TMEFF1: variants seen among roughly 807,000 people sequenced by gnomAD.
TMEFF1 encodes tomoregulin-1.
TMEFF1 carries 20 observed loss-of-function variants against 47.5 expected under a neutral mutation model. The observed-to-expected ratio is 0.42, with a 90% CI of 0.30 to 0.61. The LOEUF (loss-of-function observed/expected upper bound fraction) is 0.61, where lower values mean the gene tolerates loss of function less well. Among genes scored for constraint, TMEFF1 ranks in the 20% least tolerant of loss-of-function variants. The pLI is 0.19. For missense variants in TMEFF1, 411 were observed against 471.1 expected (o/e 0.87, Z 1.18); for synonymous variants, 162 against 166.3 (o/e 0.97, Z 0.20).
intron 9 of TMEFF1, among the ~76,000 whole-genome samples, chr9:100,575,606 C>G (rs1199757455): frequency 6.6e-6 from 1 of 152,154 alleles, no homozygotes; most frequent in Non-Finnish European, 1.5e-5. Context: ...CAAAGCTGTA[C>G]TCTTTGAAAT....
At chr9:100,491,419 C>A (rs1294206339) in intron 1 of TMEFF1, among the ~76,000 whole-genome samples, 3 of 152,176 alleles carry the variant, frequency 2.0e-5, no homozygotes, top group African/African-American at 7.2e-5. Context: ...AAAGTTTGAA[C>A]ATATTCTGTG....
At chr9:100,499,035 C>T (rs1837710401) in intron 2 of TMEFF1, among the ~76,000 whole-genome samples, 161 bp downstream of exon 2, 1 of 152,102 alleles carries the variant, frequency 6.6e-6, no homozygotes, top group South Asian at 2.1e-4. Flanking sequence ...TTATTTGTAT[C>T]TTCCATACTG....
intron 1 of TMEFF1, among the ~76,000 whole-genome samples, chr9:100,494,496 C>T (rs143498022): frequency 1.4e-3 from 216 of 152,114 alleles, no homozygotes; most frequent in African/African-American, 5.1e-3. Flanking sequence ...AATCCACAGG[C>T]GGTGTGGTGA....
chr9:100,549,062 T>C (rs1233041872), intron 6 of TMEFF1, among the ~76,000 whole-genome samples: 1 of 152,192 alleles, frequency 6.6e-6, no homozygotes, highest in Non-Finnish European at 1.5e-5. Flanking sequence ...TCAGAGCACC[T>C]GGTCAGTGTA....
At chr9:100,534,538 A>G (rs966698344) in intron 5 of TMEFF1, among the ~76,000 whole-genome samples, 12 of 152,186 alleles carry the variant, frequency 7.9e-5, no homozygotes, top group African/African-American at 2.9e-4. Flanking sequence ...AACAGCTGTA[A>G]TCACTATAAT....
intron 6 of TMEFF1, among the ~76,000 whole-genome samples, chr9:100,548,679 G>A (rs2118512302): frequency 6.6e-6 from 1 of 152,206 alleles, no homozygotes; most frequent in East Asian, 1.9e-4. Flanking sequence ...GGGATATTAT[G>A]TTTTTATCTG....
Position 100,512,175 on chromosome 9 carries a change from C to T in TMEFF1, c.437-1132C>T, listed in dbSNP as rs74799286. On this transcript the variant is annotated intron_variant, in intron 3 of 9. Transcript: ENST00000374879. Reference sequence around the variant, plus strand: ...CATAAAAACAATTTTGAGTTTCCTCCCTCGCTGTCTTTTTTTCTGTTCCAT... The same window carrying T: ...CATAAAAACAATTTTGAGTTTCCTCTCTCGCTGTCTTTTTTTCTGTTCCAT... Among the ~76,000 whole-genome samples, 1,867 of 152,180 alleles carry T rather than the reference C, an allele frequency of 0.012. 170 individuals are homozygous for T. In the East Asian group the frequency reaches 0.25, roughly 20 times the overall value.
chr9:100,521,648 TCATAG>T (rs1838162245), intron 5 of TMEFF1, among the ~76,000 whole-genome samples: 1 of 152,212 alleles, frequency 6.6e-6, no homozygotes, highest in African/African-American at 2.4e-5. Context: ...GGACACATAA[TCATAG>T]GACTCCTTCA....
At chr9:100,523,587 G>C (rs1172562873) in intron 5 of TMEFF1, among the ~76,000 whole-genome samples, 1 of 152,162 alleles carries the variant, frequency 6.6e-6, no homozygotes, top group African/African-American at 2.4e-5. Flanking sequence ...AAAAAGACTA[G>C]CGTTGAATTT....
chr9:100,499,738 G>A (rs1241634469), intron 2 of TMEFF1, among the ~76,000 whole-genome samples: 4 of 152,094 alleles, frequency 2.6e-5, no homozygotes, highest in Admixed American at 1.3e-4. Flanking sequence ...GTGAAGGCAC[G>A]TTTCCTACCC....
Position 100,473,246 on chromosome 9 carries a change from C to A in TMEFF1, c.-299C>A, listed in dbSNP as rs892368105. On this transcript the variant is annotated 5_prime_UTR_variant, in exon 1 of 10. Coordinates refer to ENST00000374879, the MANE Select transcript of TMEFF1 (RefSeq NM_003692.5). The surrounding 1 kb of genome is among the most constrained non-coding windows in gnomAD (Gnocchi z 5.4). ...CCTCCGGCCCGCGACCCCCGCCCGCCGCGCGCGCGCCCGCCCGCTCCCCTC... is the reference window on the plus strand; with the variant it reads ...CCTCCGGCCCGCGACCCCCGCCCGCAGCGCGCGCGCCCGCCCGCTCCCCTC... 8.1e-5 allele frequency: 12 copies of A among 148,908 alleles called. No homozygotes were observed. Among genetic ancestry groups the A allele is most frequent in the African/African-American group, 2.7e-4 (11 of 40,932 alleles). 9.2% of individuals were successfully genotyped at this position (148,908 alleles called of 1,614,324 possible).
intron 1 of TMEFF1, among the ~76,000 whole-genome samples, chr9:100,491,168 A>G (rs1011429714): frequency 4.6e-5 from 7 of 152,116 alleles, no homozygotes; most frequent in Non-Finnish European, 7.3e-5. Flanking sequence ...AATATTTCAA[A>G]TATTTAAATA....
intron 7 of TMEFF1, among the ~76,000 whole-genome samples, chr9:100,553,816 C>T (rs754372860): frequency 3.3e-5 from 5 of 152,082 alleles, no homozygotes; most frequent in East Asian, 1.9e-4. Context: ...TACTTCCACC[C>T]GTGTGATTAT....
At position 100,513,367 on chromosome 9, in the gene TMEFF1, TTTTC is replaced by T. The variant is rs560494398; in HGVS notation, c.463+54_463+57del. ...CAAGTACCTCTTAAAGGATATTTGC[TTTTC>T]TTTCTTTCTTTCTTTCTTTTTCTTT... is the stretch of plus-strand genomic sequence containing the variant. On this transcript the variant is annotated intron_variant, in intron 4 of 9. Transcript: ENST00000374879. 1.3e-3 allele frequency: 2,045 copies of T among 1,543,566 alleles called. 3 individuals are homozygous for T. The highest frequency in any genetic ancestry group is 8.0e-3 in the African/African-American group (575 of 71,606).
At chr9:100,542,333 A>G (rs2118492725) in intron 5 of TMEFF1, among the ~76,000 whole-genome samples, 1 of 152,220 alleles carries the variant, frequency 6.6e-6, no homozygotes, top group East Asian at 1.9e-4. Context: ...TTAACCACAC[A>G]GAGCACTGTT....
At chr9:100,572,770 T>C in intron 9 of TMEFF1, 94 bp downstream of exon 9, 1 of 1,426,880 alleles carries the variant, frequency 7.0e-7, no homozygotes, top group Non-Finnish European at 9.2e-7. Flanking sequence ...TTAGGAAAAA[T>C]CTTATGATCA....
chr9:100,549,981 G>A (rs1278558312), intron 6 of TMEFF1, 114 bp from the exon 7 acceptor site: 3 of 1,258,220 alleles, frequency 2.4e-6, no homozygotes, highest in African/African-American at 3.1e-5. Flanking sequence ...AACATGAGCA[G>A]GATAAGGGGG....
chr9:100,506,204 A>C (rs1485978467), intron 2 of TMEFF1, among the ~76,000 whole-genome samples: 1 of 152,198 alleles, frequency 6.6e-6, no homozygotes, highest in African/African-American at 2.4e-5. Context: ...ACTTTTTAAA[A>C]GTAGATAAAT....
intron 6 of TMEFF1, 102 bp from the exon 7 acceptor site, chr9:100,549,993 A>G: frequency 7.3e-7 from 1 of 1,362,066 alleles, no homozygotes; most frequent in East Asian, 2.6e-5. Flanking sequence ...ATAAGGGGGC[A>G]GAGGTTAAGA....
Sources: gnomAD v4.1 joint callset for allele counts (sites outside exome capture counted in the v4.1 genomes callset) on GRCh38, gnomAD v4.1.1 for gene constraint, Gnocchi (gnomAD v3.1) non-coding constraint, MANE v1.5 for transcripts, NCBI Gene and HGNC (gene_info 2026-07-23, HGNC 2026-07-21) for gene names.